GPC6: variants seen among roughly 807,000 people sequenced by gnomAD.
GPC6 encodes glypican 6, also known as glypican-6.
Under a neutral mutation model 55.2 loss-of-function variants are expected in GPC6, and 14 were observed. The observed-to-expected ratio is 0.25, with a 90% CI of 0.17 to 0.40. The LOEUF is 0.40. GPC6 is among the 10% of genes least tolerant of loss of function. GPC6 has a pLI of 1.00. For missense variants in GPC6, 641 were observed against 708.5 expected (o/e 0.90, Z 1.08); for synonymous variants, 278 against 259.6 (o/e 1.07, Z -0.68).
chr13:93,939,032 G>A (rs1441058554), intron 3 of GPC6, among the ~76,000 whole-genome samples: 1 of 152,130 alleles, frequency 6.6e-6, no homozygotes, highest in Non-Finnish European at 1.5e-5. Context: ...AACCCAGGAG[G>A]TGGAGGCTGC....
At chr13:94,353,411 C>T (rs568515567) in intron 6 of GPC6, among the ~76,000 whole-genome samples, 5 of 152,288 alleles carry the variant, frequency 3.3e-5, no homozygotes, top group Admixed American at 2.0e-4. Flanking sequence ...CCCAGTTCCT[C>T]ATGAAAATGA....
chr13:93,340,798 A>G (rs1216467249), intron 1 of GPC6, among the ~76,000 whole-genome samples: 1 of 148,660 alleles, frequency 6.7e-6, no homozygotes, highest in East Asian at 2.1e-4. Flanking sequence ...TATTTTTTTT[A>G]TTTCAATAGT....
At chr13:94,186,235 A>T (rs767523061) in intron 4 of GPC6, among the ~76,000 whole-genome samples, 65 of 152,288 alleles carry the variant, frequency 4.3e-4, no homozygotes, top group Non-Finnish European at 8.1e-4. Context: ...AGGTCATATT[A>T]TTGGAATAGG....
At chr13:94,253,941 G>C (rs1408502667) in intron 4 of GPC6, among the ~76,000 whole-genome samples, 1 of 152,048 alleles carries the variant, frequency 6.6e-6, no homozygotes, top group South Asian at 2.1e-4. Context: ...AGTCTCTTAG[G>C]TTGGTAGCAC....
intron 1 of GPC6, among the ~76,000 whole-genome samples, chr13:93,488,564 G>A (rs2139351843): frequency 1.3e-5 from 2 of 152,256 alleles, no homozygotes; most frequent in South Asian, 2.1e-4. Flanking sequence ...CACAATGGTT[G>A]AACTAGTTTA....
intron 2 of GPC6, among the ~76,000 whole-genome samples, chr13:93,656,578 GTT>G (rs1880677578): frequency 6.6e-6 from 1 of 152,022 alleles, no homozygotes; most frequent in African/African-American, 2.4e-5. Flanking sequence ...TGACTATCCA[GTT>G]TTCACTCATT....
intron 4 of GPC6, among the ~76,000 whole-genome samples, chr13:94,224,553 C>A (rs1033540670): frequency 1.3e-5 from 2 of 151,750 alleles, no homozygotes; most frequent in Non-Finnish European, 2.9e-5. Flanking sequence ...TCAGAAAGAC[C>A]CAAATCAGAA....
chr13:93,591,468 GA>G (rs60796601), intron 2 of GPC6, among the ~76,000 whole-genome samples: 89,855 of 124,558 alleles, frequency 0.72, 31,879 homozygotes, highest in South Asian at 0.82. Flanking sequence ...CGTCTCAAAG[GA>G]AAAAAAAAAA....
chr13:94,027,636 C>T (rs1882952079), intron 3 of GPC6, 93 bp from the exon 4 acceptor site: 1 of 1,062,816 alleles, frequency 9.4e-7, no homozygotes, highest in Non-Finnish European at 1.5e-6. Context: ...GGTTAAGATT[C>T]TGCTTGTGGT....
intron 2 of GPC6, among the ~76,000 whole-genome samples, chr13:93,792,166 C>A (rs1886059922): frequency 6.6e-6 from 1 of 152,238 alleles, no homozygotes; most frequent in South Asian, 2.1e-4. Flanking sequence ...CAGAAAGCCC[C>A]ACCTTGCCTT....
chr13:93,771,239 A>G (rs369320333), intron 2 of GPC6, among the ~76,000 whole-genome samples: 2 of 152,122 alleles, frequency 1.3e-5, no homozygotes, highest in African/African-American at 4.8e-5. Flanking sequence ...TGGAAACACA[A>G]CCCAACAAGG....
intron 3 of GPC6, among the ~76,000 whole-genome samples, chr13:93,918,866 G>C (rs923390291): frequency 6.6e-6 from 1 of 152,154 alleles, no homozygotes; most frequent in African/African-American, 2.4e-5. Context: ...ATTAGTAAAA[G>C]AAAGTGTCTG....
At chr13:94,112,779 A>C (rs149598377) in intron 4 of GPC6, among the ~76,000 whole-genome samples, 122 of 151,870 alleles carry the variant, frequency 8.0e-4, no homozygotes, top group African/African-American at 2.8e-3. Context: ...GTGCCATTTT[A>C]TTTTCTTTTT....
At chr13:93,395,512 T>C (rs1049341460) in intron 1 of GPC6, 1 of 176,494 alleles carries the variant, frequency 5.7e-6, no homozygotes. Context: ...TTAGGTGGCA[T>C]TCTTCAGTGT....
chr13:94,091,262 A>G (rs1288866043), intron 4 of GPC6, among the ~76,000 whole-genome samples: 2 of 152,230 alleles, frequency 1.3e-5, no homozygotes, highest in Admixed American at 1.3e-4. Context: ...TAGAAAAGCC[A>G]CTCCAGGGGC....
intron 2 of GPC6, among the ~76,000 whole-genome samples, chr13:93,726,100 T>TCACACACA (rs1358564731): frequency 1.1e-5 from 1 of 93,630 alleles, no homozygotes; most frequent in African/African-American, 3.9e-5. Context: ...ACTTTTTCCT[T>TCACACACA]CATACACACA....
intron 3 of GPC6, among the ~76,000 whole-genome samples, chr13:93,840,716 C>A (rs1887922078): frequency 6.6e-6 from 1 of 151,992 alleles, no homozygotes; most frequent in Admixed American, 6.6e-5. Context: ...TGCCTATCCC[C>A]CTCAAATACA....
At chr13:93,342,828 T>C (rs1040294307) in intron 1 of GPC6, among the ~76,000 whole-genome samples, 2 of 152,220 alleles carry the variant, frequency 1.3e-5, no homozygotes, top group Non-Finnish European at 2.9e-5. Flanking sequence ...GGAAAAGTCC[T>C]ACTAAATTCT....
At chr13:93,565,509 G>C (rs961895907) in intron 2 of GPC6, among the ~76,000 whole-genome samples, 1 of 152,100 alleles carries the variant, frequency 6.6e-6, no homozygotes, top group Non-Finnish European at 1.5e-5. Flanking sequence ...TCTTCATTAG[G>C]AAGTGTCTGC....
Sources: gnomAD v4.1 joint callset for allele counts (sites outside exome capture counted in the v4.1 genomes callset) on GRCh38, gnomAD v4.1.1 for gene constraint, MANE v1.5 for transcripts, NCBI Gene and HGNC (gene_info 2026-07-23, HGNC 2026-07-21) for gene names.